The following EFHC1 variants were observed in gnomAD, a reference collection of about 807,000 sequenced individuals.
EFHC1 encodes EF-hand domain-containing protein 1.
In EFHC1, 53 loss-of-function variants were observed where a neutral mutation model predicts 69.9. That is an observed-to-expected ratio of 0.76 (90% confidence interval 0.61 to 0.95). The LOEUF (loss-of-function observed/expected upper bound fraction) is 0.95. EFHC1 is among the 40% of genes least tolerant of loss of function. The pLI is 0.00. For missense variants in EFHC1, 739 were observed against 798.7 expected (o/e 0.93, Z 0.90); for synonymous variants, 256 against 278.4 (o/e 0.92, Z 0.80).
rs1304097806 is a variant in EFHC1, at chr6:52,490,367, C to G, written c.1851+17C>G. ...GTTAAGGAGGTCAGTATGAATTACT[C>G]TTCTGAGTTCATTGCAGAGGCTAGG... On this transcript the variant is annotated intron_variant, in intron 10 of 10. Transcript: ENST00000371068. 2 of 1,604,710 alleles carry G rather than the reference C, an allele frequency of 1.2e-6. No individual in the cohort carries two copies. Among genetic ancestry groups the G allele is most frequent in the Non-Finnish European group, 1.7e-6 (2 of 1,171,620 alleles).
chr6:52,424,187 G>C lies in EFHC1; in HGVS notation c.285+20G>C, dbSNP rs769310721. The stretch of plus-strand genomic sequence containing the variant: ...AAAAAGGTATCATCTGGAATTTTAG[G>C]GTACCCCTTGAATTAGGGTCTGAGA... On this transcript the variant is annotated intron_variant, in intron 2 of 10. Coordinates refer to ENST00000371068, the MANE Select transcript of EFHC1 (RefSeq NM_018100.4). The C allele has an allele frequency of 6.2e-7, 1 of 1,609,914 alleles. No homozygotes were observed. The highest frequency in any genetic ancestry group is 8.5e-7 in the Non-Finnish European group (1 of 1,177,804).
At chr6:52,439,659 G>A (rs1335854509) in intron 3 of EFHC1, among the ~76,000 whole-genome samples, 2 of 152,156 alleles carry the variant, frequency 1.3e-5, no homozygotes, top group African/African-American at 4.8e-5. Context: ...TAAAGGGAAT[G>A]GAAGTTGAGG....
intron 2 of EFHC1, among the ~76,000 whole-genome samples, chr6:52,436,717 C>T (rs570795788): frequency 6.6e-6 from 1 of 152,316 alleles, no homozygotes; most frequent in African/African-American, 2.4e-5. Flanking sequence ...ACTCAGCTCA[C>T]TGCAGCCTCC....
intron 7 of EFHC1, among the ~76,000 whole-genome samples, chr6:52,475,637 G>A (rs1162096287): frequency 6.6e-6 from 1 of 152,176 alleles, no homozygotes; most frequent in East Asian, 1.9e-4. Flanking sequence ...TTTACTATGA[G>A]TGCATTTATT....
intron 7 of EFHC1, among the ~76,000 whole-genome samples, chr6:52,473,501 C>T (rs1241657941): frequency 6.6e-6 from 1 of 152,130 alleles, no homozygotes; most frequent in Admixed American, 6.5e-5. Context: ...GGATAAATGA[C>T]CGGGCACGGT....
intron 9 of EFHC1, among the ~76,000 whole-genome samples, chr6:52,480,828 TTGAG>T (rs1310142396): frequency 1.3e-5 from 2 of 151,994 alleles, no homozygotes; most frequent in Non-Finnish European, 2.9e-5. Context: ...GTGGCTGAAA[TTGAG>T]TGAGTGAGAG....
chr6:52,459,129 A>G (rs1199682922), intron 5 of EFHC1, among the ~76,000 whole-genome samples: 1 of 152,216 alleles, frequency 6.6e-6, no homozygotes, highest in African/African-American at 2.4e-5. Context: ...TGTGTTCACT[A>G]TTTGGGTGAC....
chr6:52,422,397 G>A (rs3804511), intron 1 of EFHC1, among the ~76,000 whole-genome samples: 34,779 of 151,888 alleles, frequency 0.23, 4,065 homozygotes, highest in Middle Eastern at 0.29. Flanking sequence ...TATACCTGGA[G>A]CAGTCCCTGT....
intron 9 of EFHC1, chr6:52,486,737 ACTC>A (rs1266088282): frequency 6.6e-6 from 1 of 151,484 alleles, no homozygotes; most frequent in Non-Finnish European, 1.5e-5. Flanking sequence ...GAGATAAGTA[ACTC>A]CTCCTATTTC....
chr6:52,423,767 G>C (rs1188697542), intron 1 of EFHC1, 179 bp from the exon 2 acceptor site: 2 of 1,487,796 alleles, frequency 1.3e-6, no homozygotes, highest in Admixed American at 4.1e-5. Flanking sequence ...CAGCCTCCCA[G>C]AGTTCTGGGA....
intron 1 of EFHC1, 194 bp from the exon 2 acceptor site, chr6:52,423,752 C>G: frequency 7.3e-7 from 1 of 1,375,758 alleles, no homozygotes; most frequent in Non-Finnish European, 9.9e-7. Flanking sequence ...GTGATTCTCC[C>G]TCTTCAGCCT....
intron 2 of EFHC1, among the ~76,000 whole-genome samples, chr6:52,434,168 A>G (rs1764477451): frequency 1.3e-5 from 2 of 152,038 alleles, no homozygotes; most frequent in Non-Finnish European, 2.9e-5. Flanking sequence ...TGTACACTGG[A>G]TTCACACCTT....
At chr6:52,492,241 C>G in intron 10 of EFHC1, 29 bp from the exon 11 acceptor site, 2 of 1,604,296 alleles carry the variant, frequency 1.2e-6, no homozygotes, top group Non-Finnish European at 1.7e-6. Flanking sequence ...GCAGATCTGT[C>G]TCACCTATTC....
At chr6:52,473,287 A>G (rs999024888) in intron 7 of EFHC1, among the ~76,000 whole-genome samples, 2 of 152,232 alleles carry the variant, frequency 1.3e-5, no homozygotes, top group Non-Finnish European at 2.9e-5. Context: ...CTAATCAGTG[A>G]TATCAAACAA....
chr6:52,452,366 T>G (rs1026499523), intron 3 of EFHC1, among the ~76,000 whole-genome samples: 6 of 152,208 alleles, frequency 3.9e-5, no homozygotes, highest in African/African-American at 1.4e-4. Context: ...AGTGTCATGA[T>G]CATGGCTCAC....
rs140718183 is a variant in EFHC1, at chr6:52,457,475, T to C, written c.916+3188T>C. On this transcript the variant is annotated intron_variant, in intron 5 of 10. Transcript: ENST00000371068. The stretch of plus-strand genomic sequence containing the variant: ...AGATGGTGGCTAGGCAGAGAGTTTG[T>C]ATTAGACAGTAATAGGAAATTATGG... Among the ~76,000 whole-genome samples the C allele has an allele frequency of 2.8e-3, 425 of 152,326 alleles. 1 individual carries two copies. The highest frequency in any genetic ancestry group is 9.6e-3 in the African/African-American group (400 of 41,572).
rs191656603 is a variant in EFHC1, at chr6:52,438,470, G to T, written c.452G>T (p.Arg151Leu). 19 of 1,614,004 alleles carry T rather than the reference G, an allele frequency of 1.2e-5. No homozygotes were observed. In the African/African-American group the frequency reaches 1.5e-4, roughly 12 times the overall value. Residue 151 changes from arginine (R) to leucine (L), a missense_variant, in exon 3 of 11, where the codon CGC becomes CTC. Transcript: ENST00000371068. ...ATCCTTCAAGGCAAGTTAATAAAAC[G>T]CCAGCGGCTAGCCAAGAATGACCGG... is the stretch of plus-strand genomic sequence containing the variant. Reference protein sequence around the residue: ...SGILQGKLIKRQRLAKNDRGD... With the variant: ...SGILQGKLIKLQRLAKNDRGD...
At chr6:52,423,849 A>C (rs542705984) in intron 1 of EFHC1, 97 bp from the exon 2 acceptor site, 3 of 1,558,294 alleles carry the variant, frequency 1.9e-6, no homozygotes, top group Non-Finnish European at 1.7e-6. Flanking sequence ...TGATGCTTAT[A>C]AGCAAAGATT....
intron 3 of EFHC1, among the ~76,000 whole-genome samples, chr6:52,446,936 G>A (rs1324238523): frequency 2.0e-5 from 3 of 152,130 alleles, no homozygotes; most frequent in Non-Finnish European, 2.9e-5. Flanking sequence ...ATCCGCTGTT[G>A]GTCTGAATGG....
Sources: gnomAD v4.1 joint callset for allele counts (sites outside exome capture counted in the v4.1 genomes callset) on GRCh38, gnomAD v4.1.1 for gene constraint, MANE v1.5 for transcripts, NCBI Gene and HGNC (gene_info 2026-07-23, HGNC 2026-07-21) for gene names.